The following SLC5A12 variants were observed in gnomAD, a reference collection of about 807,000 sequenced individuals.
SLC5A12 encodes the protein solute carrier family 5 member 12.
Under a neutral mutation model 72.7 loss-of-function variants are expected in SLC5A12, and 46 were observed. That is an observed-to-expected ratio of 0.63 (90% confidence interval 0.50 to 0.81). The LOEUF is 0.81. SLC5A12 is among the 30% of genes least tolerant of loss of function. SLC5A12 has a pLI of 0.00. For missense variants in SLC5A12, 683 were observed against 740.7 expected (o/e 0.92, Z 0.90); for synonymous variants, 275 against 264.4 (o/e 1.04, Z -0.39).
rs1166162516 is a variant in SLC5A12, at chr11:26,667,915, T to C, written c.*3187A>G. 1 of 152,000 alleles carries C rather than the reference T, an allele frequency of 6.6e-6. No homozygotes were observed. The highest frequency in any genetic ancestry group is 1.5e-5 in the Non-Finnish European group (1 of 67,962). 9.4% of individuals were successfully genotyped at this position (152,000 alleles called of 1,614,324 possible). On this transcript the variant is annotated 3_prime_UTR_variant, in exon 15 of 15. Coordinates refer to ENST00000396005, the MANE Select transcript of SLC5A12 (RefSeq NM_178498.4). ...CCTGAAGAGAAATAATGAAACCATTTAAGTTAACATGTACACCATTTTCTT... is the reference window on the plus strand; with the variant it reads ...CCTGAAGAGAAATAATGAAACCATTCAAGTTAACATGTACACCATTTTCTT...
At chr11:26,722,614 C>A (rs1219967055), upstream of SLC5A12, among the ~76,000 whole-genome samples, 1 of 152,068 alleles carries the variant, frequency 6.6e-6, no homozygotes, top group East Asian at 1.9e-4. Flanking sequence ...TTATTTATAG[C>A]CTTCAACTTT....
intron 9 of SLC5A12, 69 bp from the exon 10 acceptor site, chr11:26,686,613 C>T: frequency 7.2e-7 from 1 of 1,395,630 alleles, no homozygotes; most frequent in Admixed American, 1.8e-5. Context: ...GCCTTGAGCC[C>T]CCACTCAGAA....
Position 26,683,659 on chromosome 11 carries a change from T to G in SLC5A12, c.1308+98A>C, listed in dbSNP as rs1163724788. 4 of 977,020 alleles carry G rather than the reference T, an allele frequency of 4.1e-6. No individual in the cohort carries two copies. In the Admixed American group the frequency reaches 8.6e-5, roughly 21 times the overall value. The allele number at this position is 977,020 out of a possible 1,614,324, so 60.5% of individuals were successfully genotyped here. On this transcript the variant is annotated intron_variant, in intron 11 of 14. Transcript: ENST00000396005. ...TTCTGCTGTGGATTCTTTTCCTGGCTAAGACAGATAGCTTTTCTAAACAGG... is the reference window on the plus strand; with the variant it reads ...TTCTGCTGTGGATTCTTTTCCTGGCGAAGACAGATAGCTTTTCTAAACAGG...
intron 10 of SLC5A12, among the ~76,000 whole-genome samples, chr11:26,684,660 A>G (rs985167143): frequency 1.3e-5 from 2 of 152,138 alleles, no homozygotes; most frequent in African/African-American, 4.8e-5. Context: ...AGATGAGGGC[A>G]TCACTCACGA....
intron 4 of SLC5A12, among the ~76,000 whole-genome samples, chr11:26,708,598 C>T (rs1855146064): frequency 1.3e-5 from 2 of 151,912 alleles, no homozygotes; most frequent in Admixed American, 6.6e-5. Context: ...ATTCAACTGT[C>T]TGGGAACCAC....
intron 13 of SLC5A12, among the ~76,000 whole-genome samples, chr11:26,677,072 G>A (rs972013486): frequency 6.6e-6 from 1 of 151,642 alleles, no homozygotes; most frequent in African/African-American, 2.4e-5. Flanking sequence ...GCCTCTTAGT[G>A]AGCAGACCTG....
chr11:26,721,552 A>G lies in SLC5A12; in HGVS notation c.163T>C (p.Leu55=), dbSNP rs750908154. Residue 55 remains leucine (L), a synonymous_variant, in exon 1 of 15, where the codon TTG becomes CTG. Transcript: ENST00000396005. ...GRQMSFGPVG[L]SLTASFMSAV... Reference sequence around the variant, plus strand: ...GACATGAAGCTGGCTGTCAGAGACAAGCCGACAGGGCCAAAGCTCATTTGC... The same window carrying G: ...GACATGAAGCTGGCTGTCAGAGACAGGCCGACAGGGCCAAAGCTCATTTGC... 6 of 1,614,066 alleles carry G rather than the reference A, an allele frequency of 3.7e-6. No individual in the cohort carries two copies. The East Asian group carries it at 6.7e-5, about 18-fold the overall frequency.
At chr11:26,705,621 GT>G (rs2133200267) in intron 4 of SLC5A12, among the ~76,000 whole-genome samples, 1 of 152,114 alleles carries the variant, frequency 6.6e-6, no homozygotes, top group Admixed American at 6.6e-5. Context: ...TTCACACATG[GT>G]TTGAGGTATA....
At chr11:26,712,299 A>AAAAAAC (rs576243351) in intron 2 of SLC5A12, among the ~76,000 whole-genome samples, 4 of 152,070 alleles carry the variant, frequency 2.6e-5, no homozygotes, top group East Asian at 1.9e-4. Flanking sequence ...CAAACAAGTA[A>AAAAAAC]AAAAACAAAA....
intron 1 of SLC5A12, among the ~76,000 whole-genome samples, chr11:26,714,478 A>G (rs921829896): frequency 1.3e-5 from 2 of 152,102 alleles, no homozygotes; most frequent in Non-Finnish European, 2.9e-5. Context: ...GTAGAATCTC[A>G]TTTACTGTTT....
intron 1 of SLC5A12, among the ~76,000 whole-genome samples, chr11:26,713,423 A>G (rs949628811): frequency 2.7e-5 from 4 of 149,272 alleles, no homozygotes; most frequent in African/African-American, 1.0e-4. Flanking sequence ...CCCTCTCCCC[A>G]AATTTCACAA....
chr11:26,673,854 T>G (rs1372657903), intron 13 of SLC5A12, among the ~76,000 whole-genome samples: 1 of 152,160 alleles, frequency 6.6e-6, no homozygotes, highest in Non-Finnish European at 1.5e-5. Flanking sequence ...TGCAATTTCT[T>G]CCTTTAAAAA....
chr11:26,722,053 G>A lies in SLC5A12; in HGVS notation c.-339C>T, dbSNP rs1351129894. On this transcript the variant is annotated 5_prime_UTR_variant, in exon 1 of 15. Coordinates refer to ENST00000396005, the MANE Select transcript of SLC5A12 (RefSeq NM_178498.4). ...TGTTCTGAAATTAATAACCACTGGGGGTGGAATGGACTGGCCAGATAACAT... is the reference window on the plus strand; with the variant it reads ...TGTTCTGAAATTAATAACCACTGGGAGTGGAATGGACTGGCCAGATAACAT... 2 of 249,030 alleles carry A rather than the reference G, an allele frequency of 8.0e-6. No individual in the cohort carries two copies. Among genetic ancestry groups the A allele is most frequent in the South Asian group, 9.0e-5 (1 of 11,154 alleles). 15.4% of individuals were successfully genotyped at this position (249,030 alleles called of 1,614,324 possible). A position where few individuals can be genotyped will look rare whatever the true frequency, so the allele number is the denominator to read the frequency against.
At position 26,692,056 on chromosome 11, in the gene SLC5A12, G is replaced by T. The variant is rs555669492; in HGVS notation, c.1153+433C>A. On this transcript the variant is annotated intron_variant, in intron 9 of 14. Transcript: ENST00000396005. ...CAATCTTTTGGCCTCCCTGGGCCAC[G>T]TTGAAAGAAGGAGTTGCCTTGGAGT... The T allele has an allele frequency of 3.8e-5, 6 of 158,492 alleles. No homozygotes were observed. In the East Asian group the frequency reaches 1.1e-3, roughly 29 times the overall value. The allele number at this position is 158,492 out of a possible 1,614,324, so 9.8% of individuals were successfully genotyped here.
intron 3 of SLC5A12, 144 bp downstream of exon 3, chr11:26,711,162 CT>C: frequency 1.5e-6 from 1 of 657,350 alleles, no homozygotes. Context: ...ATATTTAGAG[CT>C]TTATGTAATG....
At chr11:26,708,113 A>G (rs995084317) in intron 4 of SLC5A12, among the ~76,000 whole-genome samples, 6 of 152,060 alleles carry the variant, frequency 3.9e-5, no homozygotes, top group Admixed American at 3.9e-4. Flanking sequence ...ATCAGCCCTG[A>G]TAATTAATAT....
In SLC5A12 at chr11:26,712,650, A is replaced by G; in HGVS notation, c.396T>C (p.Ile132=). 6.3e-7 allele frequency: 1 copy of G among 1,580,248 alleles called. No individual in the cohort carries two copies. The highest frequency in any genetic ancestry group is 8.7e-7 in the Non-Finnish European group (1 of 1,155,432). The change falls in exon 2 of 15, where the codon ATT becomes ATC. Residue 132 remains isoleucine (I), a synonymous_variant. Coordinates refer to ENST00000396005, the MANE Select transcript of SLC5A12 (RefSeq NM_178498.4). ...PVRYAATVIY[I]VQTILYTGVV... ...AGCCATGACCACTTACCGTCTGTAC[A>G]ATGTAGATGACCGTGGCAGCATAGC...
intron 10 of SLC5A12, among the ~76,000 whole-genome samples, chr11:26,685,626 A>AC (rs200197824): frequency 0.011 from 1,740 of 151,538 alleles, 33 homozygotes; most frequent in African/African-American, 0.041. Context: ...AAACAAACAA[A>AC]AAAACAAAAA....
At chr11:26,688,320 A>G (rs944572320) in intron 9 of SLC5A12, among the ~76,000 whole-genome samples, 2 of 152,222 alleles carry the variant, frequency 1.3e-5, no homozygotes, top group African/African-American at 4.8e-5. Context: ...AAACACAGGC[A>G]TAGGTGAAAC....
Sources: allele counts gnomAD v4.1 joint callset (sites outside exome capture counted in the v4.1 genomes callset), GRCh38; gene constraint gnomAD v4.1.1; transcripts MANE v1.5; gene names NCBI Gene and HGNC (gene_info 2026-07-23, HGNC 2026-07-21).